The following CSMD2 variants were observed in gnomAD, a reference collection of about 807,000 sequenced individuals.
The protein encoded by CSMD2 is CUB and sushi domain-containing protein 2.
A neutral mutation model predicts 398.5 loss-of-function variants in CSMD2; 130 were observed. The ratio of observed to expected loss-of-function variants is 0.33; its 90% CI spans 0.28 to 0.38. The LOEUF (loss-of-function observed/expected upper bound fraction) is 0.38. CSMD2 is among the 10% of genes least tolerant of loss of function. CSMD2 has a pLI of 1.00. For synonymous variants in CSMD2, 1,828 were observed against 1,908.5 expected (o/e 0.96, Z 1.10); for missense variants, 3,829 against 4,764.9 (o/e 0.80, Z 5.78).
chr1:33,944,162 G>C (rs1644767220), intron 3 of CSMD2, among the ~76,000 whole-genome samples: 1 of 152,034 alleles, frequency 6.6e-6, no homozygotes, highest in Admixed American at 6.5e-5. Flanking sequence ...ACCACAGTTT[G>C]CTGACCCTGA....
chr1:33,950,060 T>G (rs1168456096), intron 3 of CSMD2, among the ~76,000 whole-genome samples: 2 of 152,060 alleles, frequency 1.3e-5, no homozygotes, highest in Non-Finnish European at 2.9e-5. Context: ...TGAATTACCT[T>G]CCTTCCATCT....
At chr1:34,080,674 C>T (rs1489614470) in intron 2 of CSMD2, among the ~76,000 whole-genome samples, 1 of 151,904 alleles carries the variant, frequency 6.6e-6, no homozygotes, top group Non-Finnish European at 1.5e-5. Context: ...GGAATGTGGT[C>T]AAAGCTATAC....
intron 57 of CSMD2, among the ~76,000 whole-genome samples, chr1:33,545,661 A>G (rs1247798125): frequency 6.6e-6 from 1 of 152,208 alleles, no homozygotes; most frequent in African/African-American, 2.4e-5. Context: ...AGGTTTCAAC[A>G]TATGATTTTT....
At chr1:33,645,386 C>A (rs979236499) in intron 29 of CSMD2, among the ~76,000 whole-genome samples, 1 of 142,948 alleles carries the variant, frequency 7.0e-6, no homozygotes, top group African/African-American at 2.8e-5. Context: ...CACACACACA[C>A]ACACACATAT....
chr1:33,843,365 T>C (rs1048297654), intron 6 of CSMD2, among the ~76,000 whole-genome samples: 6 of 152,240 alleles, frequency 3.9e-5, no homozygotes, highest in Non-Finnish European at 5.9e-5. Flanking sequence ...GAGACCAGAA[T>C]ATAATGTACT....
intron 9 of CSMD2, among the ~76,000 whole-genome samples, chr1:33,812,801 G>A (rs1657005894): frequency 6.6e-6 from 1 of 152,208 alleles, no homozygotes; most frequent in Admixed American, 6.5e-5. Context: ...TTTGGGACAA[G>A]AGATAATCAG....
chr1:33,863,971 A>G (rs1639752860), intron 5 of CSMD2: 1 of 539,406 alleles, frequency 1.9e-6, no homozygotes, highest in Non-Finnish European at 3.3e-6. Context: ...AAATGCCCAC[A>G]GGTGTTGGCT....
At chr1:34,096,148 A>G (rs1343619310) in intron 1 of CSMD2, among the ~76,000 whole-genome samples, 2 of 152,046 alleles carry the variant, frequency 1.3e-5, no homozygotes, top group Non-Finnish European at 2.9e-5. Context: ...AAACAGAGCC[A>G]AAGACAAAAA....
At chr1:33,556,156 G>C (rs768528759) in intron 55 of CSMD2, among the ~76,000 whole-genome samples, 1 of 152,118 alleles carries the variant, frequency 6.6e-6, no homozygotes, top group Non-Finnish European at 1.5e-5. Context: ...TATGGATAGG[G>C]TCACTTTATT....
Position 33,625,058 on chromosome 1 carries a change from C to T in CSMD2, c.5493G>A (p.Thr1831=). Residue 1831 remains threonine, a synonymous_variant, in exon 34 of 71, where the codon ACG becomes ACA. Transcript: ENST00000373381. The stretch of plus-strand genomic sequence containing the variant: ...CGGGTCCTGGTTACTCACCCACACA[C>T]GTGGGCGCTGAGACATTCCATTGGG... ...ALAQWNVSAP[T]CVVPCGGNLT... 4.3e-6 allele frequency: 7 copies of T among 1,613,942 alleles called. No homozygotes were observed. Among genetic ancestry groups the T allele is most frequent in the Non-Finnish European group, 5.9e-6 (7 of 1,179,942 alleles).
chr1:33,849,878 ACAAAT>A (rs144646902), intron 5 of CSMD2, among the ~76,000 whole-genome samples: 2,677 of 152,248 alleles, frequency 0.018, 75 homozygotes, highest in African/African-American at 0.058. Flanking sequence ...TTAGTGAAAA[ACAAAT>A]CAAAACAAAA....
chr1:33,783,696 CATTGTGGT>C (rs1653129866), intron 12 of CSMD2, among the ~76,000 whole-genome samples: 1 of 152,100 alleles, frequency 6.6e-6, no homozygotes, highest in Admixed American at 6.5e-5. Context: ...CCCCAGGGGA[CATTGTGGT>C]ATGACAGTGT....
At chr1:34,097,074 A>G (rs1461879267) in intron 1 of CSMD2, among the ~76,000 whole-genome samples, 1 of 142,250 alleles carries the variant, frequency 7.0e-6, no homozygotes, top group Non-Finnish European at 1.5e-5. Context: ...ATATAGATCA[A>G]TGGAACAGAA....
intron 12 of CSMD2, among the ~76,000 whole-genome samples, chr1:33,781,678 G>A (rs975610279): frequency 6.6e-6 from 1 of 152,186 alleles, no homozygotes; most frequent in Non-Finnish European, 1.5e-5. Flanking sequence ...AAGGAAGCAA[G>A]GAGACTTCCA....
chr1:34,020,489 C>A (rs931829979), intron 3 of CSMD2, among the ~76,000 whole-genome samples: 1 of 152,158 alleles, frequency 6.6e-6, no homozygotes, highest in African/African-American at 2.4e-5. Flanking sequence ...GGCTGGGGAC[C>A]ACAGGCTCAA....
At chr1:33,788,466 C>G in intron 12 of CSMD2, 134 bp downstream of exon 12, 1 of 598,256 alleles carries the variant, frequency 1.7e-6, no homozygotes, top group South Asian at 2.0e-5. Flanking sequence ...TAAGATCGTG[C>G]CACGGCACTC....
rs746329864 is a variant in CSMD2, at chr1:33,792,416, C to T, written c.1550+7G>A. 1.9e-6 allele frequency: 3 copies of T among 1,606,652 alleles called. No individual in the cohort carries two copies. The highest frequency in any genetic ancestry group is 2.6e-6 in the Non-Finnish European group (3 of 1,173,230). On this transcript the variant is annotated splice_region_variant and intron_variant, in intron 11 of 70. Coordinates refer to ENST00000373381, the MANE Select transcript of CSMD2 (RefSeq NM_001281956.2). ...ACCTTCCAAACAACATGCCCCACTG[C>T]ACTTACATGTAGAGAACTGTCTTCT... is the stretch of plus-strand genomic sequence containing the variant.
intron 9 of CSMD2, among the ~76,000 whole-genome samples, chr1:33,811,687 T>C (rs1399639514): frequency 5.3e-5 from 8 of 152,258 alleles, no homozygotes; most frequent in Non-Finnish European, 2.9e-5. Context: ...AAATAGCTTC[T>C]AAACTAATTA....
chr1:34,050,536 T>G (rs1028316070), intron 2 of CSMD2, among the ~76,000 whole-genome samples: 1 of 152,166 alleles, frequency 6.6e-6, no homozygotes, highest in Admixed American at 6.5e-5. Context: ...AACAATGAAA[T>G]GGCCTTTTCA....
Sources: gnomAD v4.1 joint callset for allele counts (sites outside exome capture counted in the v4.1 genomes callset) on GRCh38, gnomAD v4.1.1 for gene constraint, MANE v1.5 for transcripts, NCBI Gene and HGNC (gene_info 2026-07-23, HGNC 2026-07-21) for gene names.